The following KIAA1217 variants were observed in gnomAD, a reference collection of about 807,000 sequenced individuals.
KIAA1217 encodes the protein KIAA1217.
KIAA1217 carries 88 observed loss-of-function variants against 163.9 expected under a neutral mutation model. The observed-to-expected ratio is 0.54, with a 90% CI of 0.45 to 0.64. The LOEUF (loss-of-function observed/expected upper bound fraction) is 0.64, where lower values mean the gene tolerates loss of function less well. Among genes scored for constraint, KIAA1217 ranks in the 30% least tolerant of loss-of-function variants. The probability of loss-of-function intolerance (pLI) is 0.00; values close to 1 mark genes in which losing one functional copy is unlikely to be tolerated. For synonymous variants in KIAA1217, 903 were observed against 923.1 expected (o/e 0.98, Z 0.39); for missense variants, 2,372 against 2,475.0 (o/e 0.96, Z 0.88).
At chr10:23,947,484 T>G (rs1239669931) in intron 1 of KIAA1217, among the ~76,000 whole-genome samples, 1 of 152,180 alleles carries the variant, frequency 6.6e-6, no homozygotes, top group Non-Finnish European at 1.5e-5. Context: ...TCCTATACAT[T>G]TCATCTCATA....
intron 2 of KIAA1217, among the ~76,000 whole-genome samples, chr10:24,311,499 A>G (rs1190970312): frequency 6.6e-6 from 1 of 152,224 alleles, no homozygotes; most frequent in Non-Finnish European, 1.5e-5. Context: ...GTGATAAGGG[A>G]GGAAAAAGAC....
chr10:24,461,542 G>A (rs1478767860), intron 5 of KIAA1217, among the ~76,000 whole-genome samples: 1 of 152,044 alleles, frequency 6.6e-6, no homozygotes, highest in Non-Finnish European at 1.5e-5. Flanking sequence ...TTTTAGTAGA[G>A]ATGGGGTTTC....
At chr10:24,440,800 G>C (rs928278733) in intron 5 of KIAA1217, among the ~76,000 whole-genome samples, 1 of 152,202 alleles carries the variant, frequency 6.6e-6, no homozygotes, top group African/African-American at 2.4e-5. Context: ...GTGTTTCAAT[G>C]CAGATTACTT....
At chr10:24,360,450 C>G (rs149447362) in intron 2 of KIAA1217, among the ~76,000 whole-genome samples, 1 of 152,162 alleles carries the variant, frequency 6.6e-6, no homozygotes. Flanking sequence ...TATGAAATCT[C>G]TTAGACTTGC....
At chr10:23,926,533 T>C (rs1843027520) in intron 1 of KIAA1217, among the ~76,000 whole-genome samples, 1 of 152,108 alleles carries the variant, frequency 6.6e-6, no homozygotes, top group Non-Finnish European at 1.5e-5. Context: ...AAGACCAGCC[T>C]GACCAACATG....
At chr10:24,254,386 G>A (rs1186654866) in intron 2 of KIAA1217, among the ~76,000 whole-genome samples, 2 of 152,204 alleles carry the variant, frequency 1.3e-5, no homozygotes, top group South Asian at 4.1e-4. Context: ...GCCAGAGCCA[G>A]CTCGAATCCA....
At chr10:24,191,639 A>T (rs1334968290) in intron 2 of KIAA1217, among the ~76,000 whole-genome samples, 4 of 152,234 alleles carry the variant, frequency 2.6e-5, no homozygotes, top group Non-Finnish European at 5.9e-5. Context: ...AAAGCAACCC[A>T]GAATAGGATC....
chr10:24,155,355 T>C (rs546427325), intron 2 of KIAA1217, among the ~76,000 whole-genome samples: 1 of 152,258 alleles, frequency 6.6e-6, no homozygotes, highest in Admixed American at 6.5e-5. Flanking sequence ...GGATCCACAG[T>C]TGAGAAATGA....
intron 2 of KIAA1217, among the ~76,000 whole-genome samples, chr10:24,354,336 G>C (rs373556792): frequency 1.3e-5 from 2 of 152,200 alleles, no homozygotes; most frequent in Non-Finnish European, 2.9e-5. Flanking sequence ...CCTTACAGGA[G>C]GGGGAGCATG....
intron 2 of KIAA1217, among the ~76,000 whole-genome samples, chr10:24,325,177 C>G (rs1054141627): frequency 6.6e-6 from 1 of 152,072 alleles, no homozygotes; most frequent in African/African-American, 2.4e-5. Flanking sequence ...TCAACATGTC[C>G]TTGTTACAAA....
At chr10:23,798,104 C>G (rs1396103680) in intron 1 of KIAA1217, among the ~76,000 whole-genome samples, 5 of 152,036 alleles carry the variant, frequency 3.3e-5, no homozygotes, top group Non-Finnish European at 5.9e-5. Flanking sequence ...GTGTGATGTG[C>G]AAGAGAGTCA....
At chr10:24,220,504 G>A (rs1445514611) in intron 2 of KIAA1217, among the ~76,000 whole-genome samples, 1 of 131,988 alleles carries the variant, frequency 7.6e-6, no homozygotes, top group Non-Finnish European at 1.5e-5. Context: ...GCCCAGGCTA[G>A]AGTGCAGTGG....
intron 16 of KIAA1217, among the ~76,000 whole-genome samples, chr10:24,533,549 G>A (rs2073459031): frequency 6.6e-6 from 1 of 152,210 alleles, no homozygotes; most frequent in Non-Finnish European, 1.5e-5. Context: ...AGTAAGATAA[G>A]GATTAGAAAT....
In KIAA1217 at chr10:23,780,684, T is replaced by C. The variant is rs188559048; in HGVS notation, c.-321+85450T>C. 5.3e-4 allele frequency among the ~76,000 whole-genome samples: 81 copies of C among 152,296 alleles called. 2 individuals are homozygous for C. In the East Asian group the frequency reaches 0.015, roughly 29 times the overall value. The stretch of plus-strand genomic sequence containing the variant: ...CTATAGATATACCAGATTTTCTTTT[T>C]TGGGAGGGTGGGGGGAATGGAGTTT... On this transcript the variant is annotated intron_variant, in intron 1 of 18. Transcript: ENST00000376462.
chr10:24,252,553 C>T (rs1399595934), intron 2 of KIAA1217, among the ~76,000 whole-genome samples: 1 of 152,154 alleles, frequency 6.6e-6, no homozygotes. Flanking sequence ...GTGCCACAAG[C>T]TGGGCGACAG....
intron 2 of KIAA1217, among the ~76,000 whole-genome samples, chr10:24,377,138 G>A (rs752550385): frequency 2.6e-5 from 4 of 152,152 alleles, no homozygotes; most frequent in Non-Finnish European, 5.9e-5. Context: ...AGAATAGAAA[G>A]GACAAGTGGG....
Position 23,988,851 on chromosome 10 carries a change from C to T in KIAA1217, c.-320-18374C>T, listed in dbSNP as rs529572452. ...ACATTGACTTTTAAGAAATTAACAC[C>T]AGTGTTCCTTGTCACAATGATTTGT... On this transcript the variant is annotated intron_variant, in intron 1 of 18. Coordinates refer to the KIAA1217 transcript ENST00000376462. Among the ~76,000 whole-genome samples, 10 of 152,150 alleles carry T rather than the reference C, an allele frequency of 6.6e-5. No individual in the cohort carries two copies. In the South Asian group the frequency reaches 1.9e-3, roughly 28 times the overall value.
chr10:24,256,466 C>G (rs2075170694), intron 2 of KIAA1217, among the ~76,000 whole-genome samples: 1 of 152,180 alleles, frequency 6.6e-6, no homozygotes, highest in South Asian at 2.1e-4. Context: ...GGTGATAAGG[C>G]TTGCTATCTG....
intron 1 of KIAA1217, among the ~76,000 whole-genome samples, chr10:23,885,042 A>G (rs973197627): frequency 6.6e-5 from 10 of 151,916 alleles, no homozygotes; most frequent in African/African-American, 2.4e-4. Flanking sequence ...TTAAATTGCT[A>G]TTTTGGGAGG....
Sources: gnomAD v4.1 joint callset for allele counts (sites outside exome capture counted in the v4.1 genomes callset) on GRCh38, gnomAD v4.1.1 for gene constraint, MANE v1.5 for transcripts, NCBI Gene and HGNC (gene_info 2026-07-23, HGNC 2026-07-21) for gene names.